The following PARP1 variants were observed in gnomAD, a reference collection of about 807,000 sequenced individuals.
PARP1 encodes poly(ADP-ribose) polymerase 1.
Under a neutral mutation model 118.7 loss-of-function variants are expected in PARP1, and 44 were observed. That is an observed-to-expected ratio of 0.37 (90% CI 0.29 to 0.48). PARP1 has a LOEUF of 0.48. Ranked by LOEUF, PARP1 falls within the 20% of genes least tolerant of loss-of-function variation. The pLI is 0.99. For missense variants in PARP1, 1,100 were observed against 1,272.4 expected, an observed-to-expected ratio of 0.86 and a Z score of 2.06; for synonymous variants, 492 against 483.2, an observed-to-expected ratio of 1.02 and a Z score of -0.24.
chr1:226,402,569 C>T (rs1287579158), intron 1 of PARP1, among the ~76,000 whole-genome samples, 190 bp from the exon 2 acceptor site: 5 of 152,356 alleles, frequency 3.3e-5, no homozygotes, highest in East Asian at 1.9e-4. Context: ...ATCCTTCTCA[C>T]GATCTTCCCC....
chr1:226,380,311 T>C, intron 9 of PARP1, 147 bp from the exon 10 acceptor site: 2 of 831,640 alleles, frequency 2.4e-6, no homozygotes, highest in Admixed American at 4.2e-5. Flanking sequence ...CTCCCAAGAG[T>C]GTTTTTATCA....
chr1:226,363,871 G>GTT, intron 20 of PARP1, 72 bp downstream of exon 20: 2 of 1,537,810 alleles, frequency 1.3e-6, no homozygotes, highest in Non-Finnish European at 1.8e-6. Context: ...CCCAGCCAAG[G>GTT]GGAGTTCTGC....
chr1:226,364,782 C>A (rs746807809), intron 19 of PARP1, among the ~76,000 whole-genome samples: 2 of 152,270 alleles, frequency 1.3e-5, no homozygotes, highest in African/African-American at 2.4e-5. Context: ...CGATTAGCAT[C>A]TGCAGCAGGC....
At position 226,368,280 on chromosome 1, in the gene PARP1, G is replaced by C; in HGVS notation, c.2196C>G (p.Leu732=). 1.9e-6 allele frequency: 3 copies of C among 1,614,214 alleles called. No homozygotes were observed. Among genetic ancestry groups the C allele is most frequent in the Non-Finnish European group, 2.5e-6 (3 of 1,180,036 alleles). The change falls in exon 16 of 23, where the codon CTC becomes CTG. Residue 732 remains leucine (L), a synonymous_variant. Transcript: ENST00000366794. ...QGSSDSQILD[L]SNRFYTLIPH... is the part of the protein sequence containing the mutation. ...GGATCAGGGTGTAAAAGCGATTTGA[G>C]AGATCCAGGATCTGAGAGTCGCTGC...
chr1:226,401,691 GGGGCTGCAGA>G (rs1163572153), intron 2 of PARP1, among the ~76,000 whole-genome samples: 4 of 152,150 alleles, frequency 2.6e-5, no homozygotes, highest in Non-Finnish European at 4.4e-5. Context: ...TAATCTTAAG[GGGGCTGCAGA>G]AGGGTGCAGG....
At chr1:226,376,007 T>G (rs1664479728) in intron 13 of PARP1, among the ~76,000 whole-genome samples, 1 of 152,188 alleles carries the variant, frequency 6.6e-6, no homozygotes. Context: ...ATTTTTAAAG[T>G]ATTTAACTCA....
chr1:226,387,304 A>C (rs1664734105), intron 5 of PARP1, among the ~76,000 whole-genome samples: 1 of 152,094 alleles, frequency 6.6e-6, no homozygotes, highest in Admixed American at 6.5e-5. Flanking sequence ...TTATTCTCAT[A>C]ACAATCAAGC....
At chr1:226,392,772 T>C (rs986909661) in intron 2 of PARP1, 2 of 608,462 alleles carry the variant, frequency 3.3e-6, no homozygotes, top group Admixed American at 3.6e-5. Flanking sequence ...GAATTAAATA[T>C]GTACTAAAGG....
intron 14 of PARP1, chr1:226,370,870 C>T: frequency 3.3e-6 from 1 of 303,042 alleles, no homozygotes; most frequent in South Asian, 3.6e-5. Flanking sequence ...ATGCTGACCA[C>T]CCCACCCAGC....
chr1:226,385,675 C>A lies in PARP1; in HGVS notation c.840G>T (p.Leu280Phe). 6.2e-7 allele frequency: 1 copy of A among 1,614,078 alleles called. No homozygotes were observed. Among genetic ancestry groups the A allele is most frequent in the South Asian group, 1.1e-5 (1 of 91,084 alleles). Residue 280 changes from leucine (L) to phenylalanine (F), a missense_variant, in exon 7 of 23, where the codon TTG becomes TTT. Coordinates refer to ENST00000366794, the MANE Select transcript of PARP1 (RefSeq NM_001618.4). Reference protein sequence around the residue: ...QQVPSGESAILDRVADGMVFG... With the variant: ...QQVPSGESAIFDRVADGMVFG... ...ACACCATGCCATCAGCTACTCGGTCCAAGATCTGCAGCCAGTGGAGAAACA... is the reference window on the plus strand; with the variant it reads ...ACACCATGCCATCAGCTACTCGGTCAAAGATCTGCAGCCAGTGGAGAAACA...
intron 15 of PARP1, among the ~76,000 whole-genome samples, chr1:226,368,914 C>A (rs1166788387): frequency 6.6e-6 from 1 of 152,162 alleles, no homozygotes; most frequent in East Asian, 1.9e-4. Flanking sequence ...AAGAGCGGGG[C>A]CACTGGGATT....
rs532753458 is a variant in PARP1 at position 226,364,676 on chromosome 1, G to C, written c.2658+326C>G. Among the ~76,000 whole-genome samples, 4 of 152,340 alleles carry C rather than the reference G, an allele frequency of 2.6e-5. No homozygotes were observed. In the South Asian group the frequency reaches 8.3e-4, roughly 32 times the overall value. ...GCTACGTTTTCCTGCTGAAGACACT[G>C]ACACTCAGAGGTGGCCCGGCTGGGA... On this transcript the variant is annotated intron_variant, in intron 19 of 22. Coordinates refer to ENST00000366794, the MANE Select transcript of PARP1 (RefSeq NM_001618.4).
chr1:226,378,908 T>C (rs1224198451), intron 12 of PARP1, among the ~76,000 whole-genome samples: 1 of 152,144 alleles, frequency 6.6e-6, no homozygotes, highest in Non-Finnish European at 1.5e-5. Flanking sequence ...AGCAGAAGAA[T>C]ATGTGAAACC....
Position 226,380,022 on chromosome 1 carries a change from C to A in PARP1, c.1443G>T (p.Trp481Cys), listed in dbSNP as rs201371549. 65 of 1,614,106 alleles carry A rather than the reference C, an allele frequency of 4.0e-5. No homozygotes were observed. Among genetic ancestry groups the A allele is most frequent in the East Asian group, 1.3e-4 (6 of 44,892 alleles). Residue 481 changes from tryptophan to cysteine, a missense_variant, in exon 10 of 23, where the codon TGG (tryptophan) becomes TGT (cysteine). Trp to Cys is a radical substitution (Grantham distance 215, BLOSUM62 -2). This residue lies in a region of PARP1 where 948 missense variants were observed against 1,031.8 expected (regional missense o/e 0.92). Coordinates refer to ENST00000366794, the MANE Select transcript of PARP1 (RefSeq NM_001618.4). ...ELFLAHILSPWGAEVKAEPVE... is the reference protein window; with the variant it reads ...ELFLAHILSPCGAEVKAEPVE... ...CAGGCTCTGCCTTCACCTCTGCCCC[C>A]CAAGGGGACAAGATGTGCGCTAAGA...
intron 2 of PARP1, chr1:226,401,857 A>ACTACTCTGG: frequency 4.0e-6 from 3 of 745,438 alleles, no homozygotes; most frequent in Non-Finnish European, 6.2e-6. Flanking sequence ...TAACAAATGT[A>ACTACTCTGG]CTACTCTGGT....
At chr1:226,398,377 C>T (rs1179659721) in intron 2 of PARP1, among the ~76,000 whole-genome samples, 5 of 151,966 alleles carry the variant, frequency 3.3e-5, no homozygotes, top group Admixed American at 6.6e-5. Context: ...CCTGTCTCTA[C>T]AAAAAATTTA....
chr1:226,364,511 G>C (rs1345758216), intron 19 of PARP1: 2 of 305,270 alleles, frequency 6.6e-6, no homozygotes, highest in African/African-American at 4.3e-5. Flanking sequence ...GCCCCAGAGA[G>C]AATCATTTAA....
intron 18 of PARP1, 95 bp downstream of exon 18, chr1:226,365,859 T>TA: frequency 1.3e-6 from 1 of 781,262 alleles, no homozygotes; most frequent in Non-Finnish European, 2.3e-6. Context: ...TTAAAGTAAA[T>TA]AAACTGCTCT....
chr1:226,373,322 AG>A (rs1409853300), intron 14 of PARP1, among the ~76,000 whole-genome samples: 1 of 152,206 alleles, frequency 6.6e-6, no homozygotes, highest in East Asian at 1.9e-4. Context: ...CCTAGAACAA[AG>A]GGAATAACCA....
Sources: gnomAD v4.1 joint callset for allele counts (sites outside exome capture counted in the v4.1 genomes callset) on GRCh38, gnomAD v4.1.1 for gene constraint, gnomAD v4.1.1 regional missense constraint, MANE v1.5 for transcripts, NCBI Gene and HGNC (gene_info 2026-07-23, HGNC 2026-07-21) for gene names.